Variants in AFAP1 observed in about 807,000 individuals in gnomAD.
AFAP1 encodes the protein actin filament associated protein 1.
In AFAP1, 75 loss-of-function variants were observed where a neutral mutation model predicts 93.9. That is an observed-to-expected ratio of 0.80 (90% CI 0.66 to 0.97). The LOEUF (loss-of-function observed/expected upper bound fraction) is 0.97. Ranked by LOEUF, AFAP1 falls within the 50% of genes least tolerant of loss-of-function variation. The pLI, the probability that AFAP1 is intolerant of heterozygous loss-of-function variation, is 0.00. For synonymous variants in AFAP1, 517 were observed against 430.7 expected, an observed-to-expected ratio of 1.20 and a Z score of -2.48; for missense variants, 1,201 against 1,050.8, an observed-to-expected ratio of 1.14 and a Z score of -1.98.
rs545782647 is a variant in AFAP1, at chr4:7,913,477, G to C, written c.-3+26179C>G. On this transcript the variant is annotated intron_variant, in intron 1 of 17. Transcript: ENST00000420658. ...AAACTTTAATTACAATTATATAATG[G>C]ACATGTAAAATGTCCAGCTTGAAAG... is the stretch of plus-strand genomic sequence containing the variant. 3.9e-5 allele frequency among the ~76,000 whole-genome samples: 6 copies of C among 151,996 alleles called. No individual in the cohort carries two copies. In the East Asian group the frequency reaches 9.7e-4, roughly 25 times the overall value.
chr4:7,862,994 G>A (rs571779399), intron 3 of AFAP1, among the ~76,000 whole-genome samples: 27 of 152,334 alleles, frequency 1.8e-4, no homozygotes, highest in Admixed American at 1.2e-3. Flanking sequence ...GGCAGCCAGC[G>A]TCAGCACAGA....
At chr4:7,802,418 A>C (rs560838011) in intron 9 of AFAP1, among the ~76,000 whole-genome samples, 3 of 152,330 alleles carry the variant, frequency 2.0e-5, no homozygotes, top group South Asian at 2.1e-4. Context: ...TTAAAGTAGG[A>C]AAGAGTCTCA....
At position 7,939,188 on chromosome 4, in the gene AFAP1, C is replaced by T. The variant is rs7669645; in HGVS notation, c.-3+468G>A. The stretch of plus-strand genomic sequence containing the variant: ...GTCATGCGGGGCCAAGAAAGAGCCC[C>T]CATCCAGAGTCACGGACCCCCTCGT... On this transcript the variant is annotated intron_variant, in intron 1 of 17. Transcript: ENST00000420658. This position sits in a 1 kb window ranked among gnomAD's most constrained non-coding sequence, Gnocchi z 5.6. 71,920 of 210,954 alleles carry T rather than the reference C, an allele frequency of 0.34. 13,198 individuals carry two copies. The highest frequency in any genetic ancestry group is 0.49 in the African/African-American group (20,529 of 41,630). 13.1% of individuals were successfully genotyped at this position (210,954 alleles called of 1,614,324 possible). A position where few individuals can be genotyped will look rare whatever the true frequency, so the allele number is the denominator to read the frequency against.
At chr4:7,927,097 G>C (rs1336018773) in intron 1 of AFAP1, among the ~76,000 whole-genome samples, 1 of 152,172 alleles carries the variant, frequency 6.6e-6, no homozygotes, top group Non-Finnish European at 1.5e-5. Flanking sequence ...GTGGCCTTGG[G>C]GCAGGCTTGA....
intron 3 of AFAP1, among the ~76,000 whole-genome samples, chr4:7,866,523 C>T (rs1016042395): frequency 2.0e-5 from 3 of 152,204 alleles, no homozygotes; most frequent in African/African-American, 7.2e-5. Context: ...TTCTCAGTTC[C>T]CGCTCCATCT....
At chr4:7,778,978 G>A (rs1716458025) in intron 13 of AFAP1, 102 bp from the exon 14 acceptor site, 1 of 883,720 alleles carries the variant, frequency 1.1e-6, no homozygotes, top group Middle Eastern at 2.7e-4. Context: ...TCTAAGTATT[G>A]TAGAAACTGG....
At chr4:7,780,644 T>C (rs749808391) in intron 13 of AFAP1, among the ~76,000 whole-genome samples, 3 of 92,302 alleles carry the variant, frequency 3.3e-5, no homozygotes, top group Non-Finnish European at 6.3e-5. Flanking sequence ...AGACTTCATC[T>C]TTTTTTTTTT....
intron 10 of AFAP1, among the ~76,000 whole-genome samples, chr4:7,799,364 C>G (rs1378430075): frequency 1.3e-5 from 2 of 152,170 alleles, no homozygotes; most frequent in Admixed American, 6.5e-5. Flanking sequence ...AAAACAGTCC[C>G]TGCAATGAAC....
Position 7,889,313 on chromosome 4 carries a change from C to T in AFAP1, c.-2-17233G>A, listed in dbSNP as rs112669459. On this transcript the variant is annotated intron_variant, in intron 1 of 17. Transcript: ENST00000420658. Reference sequence around the variant, plus strand: ...CCTGTAATCCCAGCACTTTGGGAGGCCAAGGGGGACGGATCACGAGGTCAG... The same window carrying T: ...CCTGTAATCCCAGCACTTTGGGAGGTCAAGGGGGACGGATCACGAGGTCAG... 2.7e-3 allele frequency among the ~76,000 whole-genome samples: 416 copies of T among 151,926 alleles called. 1 individual carries two copies. Among genetic ancestry groups the T allele is most frequent in the African/African-American group, 9.3e-3 (386 of 41,446 alleles).
At chr4:7,779,065 A>C (rs1047292928) in intron 13 of AFAP1, 189 bp from the exon 14 acceptor site, 5 of 584,544 alleles carry the variant, frequency 8.6e-6, no homozygotes. Context: ...ATTCTGGGGA[A>C]TGGCTAAGGA....
intron 6 of AFAP1, among the ~76,000 whole-genome samples, chr4:7,837,900 C>T (rs913181911): frequency 6.6e-6 from 1 of 151,928 alleles, no homozygotes; most frequent in Non-Finnish European, 1.5e-5. Flanking sequence ...GTCATGCGAG[C>T]TAACTTGGGA....
chr4:7,854,815 G>A lies in AFAP1; in HGVS notation c.334+651C>T, dbSNP rs538898355. On this transcript the variant is annotated intron_variant, in intron 4 of 17. Transcript: ENST00000420658. The stretch of plus-strand genomic sequence containing the variant: ...GGTAGCCCCCCGCCTGACAGATACT[G>A]AAAGGAGACATAGAGCCACCAATTC... Among the ~76,000 whole-genome samples the A allele has an allele frequency of 6.4e-4, 97 of 152,270 alleles. 1 individual carries two copies. The highest frequency in any genetic ancestry group is 2.2e-3 in the African/African-American group (93 of 41,544).
At chr4:7,813,900 G>A (rs1313339351) in intron 8 of AFAP1, among the ~76,000 whole-genome samples, 1 of 152,150 alleles carries the variant, frequency 6.6e-6, no homozygotes, top group Non-Finnish European at 1.5e-5. Context: ...ACAGAGACAG[G>A]AAACACTTGG....
intron 3 of AFAP1, among the ~76,000 whole-genome samples, chr4:7,858,270 CTCTT>C (rs1378278107): frequency 6.6e-6 from 1 of 152,198 alleles, no homozygotes; most frequent in Non-Finnish European, 1.5e-5. Flanking sequence ...TAGCGGTTGT[CTCTT>C]TCTACATGCA....
intron 4 of AFAP1, among the ~76,000 whole-genome samples, chr4:7,849,436 G>A (rs1008416650): frequency 1.3e-5 from 2 of 152,200 alleles, no homozygotes; most frequent in Non-Finnish European, 2.9e-5. Context: ...CATCTACTCA[G>A]TAAGTGTTTA....
intron 1 of AFAP1, among the ~76,000 whole-genome samples, chr4:7,874,362 T>TC (rs1361189443): frequency 3.3e-5 from 2 of 60,214 alleles, no homozygotes; most frequent in South Asian, 3.8e-4. Flanking sequence ...TTTTCTTTTT[T>TC]TTTTTTTTTT....
At chr4:7,774,349 G>T in intron 15 of AFAP1, 1 of 196,954 alleles carries the variant, frequency 5.1e-6, no homozygotes. Context: ...GACCCCTGTG[G>T]GCTACCCTCT....
At position 7,939,084 on chromosome 4, in the gene AFAP1, G is replaced by GCC. The variant is rs557305308; in HGVS notation, c.-3+570_-3+571dup. 2 of 159,442 alleles carry GCC rather than the reference G, an allele frequency of 1.3e-5. No individual in the cohort carries two copies. The highest frequency in any genetic ancestry group is 4.8e-5 in the African/African-American group (2 of 41,554). 9.9% of individuals were successfully genotyped at this position (159,442 alleles called of 1,614,324 possible). Reference sequence around the variant, plus strand: ...CAGACGAGCCACGGGGCGGCGCAGAGCCCCACTCGCAGGGCGGCCGGGACC... The same window carrying GCC: ...CAGACGAGCCACGGGGCGGCGCAGAGCCCCCCACTCGCAGGGCGGCCGGGACC... On this transcript the variant is annotated intron_variant, in intron 1 of 17. Transcript: ENST00000420658. The surrounding 1 kb of genome is among the most constrained non-coding windows in gnomAD (Gnocchi z 5.6).
At chr4:7,815,508 G>A (rs893159845) in intron 8 of AFAP1, among the ~76,000 whole-genome samples, 1 of 152,008 alleles carries the variant, frequency 6.6e-6, no homozygotes, top group Non-Finnish European at 1.5e-5. Flanking sequence ...CTCAGAAATC[G>A]GCAGGTCTGG....
Sources: gnomAD v4.1 joint callset for allele counts (sites outside exome capture counted in the v4.1 genomes callset) on GRCh38, gnomAD v4.1.1 for gene constraint, Gnocchi (gnomAD v3.1) non-coding constraint, MANE v1.5 for transcripts, NCBI Gene and HGNC (gene_info 2026-07-23, HGNC 2026-07-21) for gene names.